RASGRF1: variants seen among roughly 807,000 people sequenced by gnomAD.
RASGRF1 encodes Ras protein specific guanine nucleotide releasing factor 1, also known as ras-specific guanine nucleotide-releasing factor 1.
A neutral mutation model predicts 138.7 loss-of-function variants in RASGRF1; 40 were observed. That is an observed-to-expected ratio of 0.29 (90% CI 0.22 to 0.38). The LOEUF is 0.38. Among genes scored for constraint, RASGRF1 ranks in the 10% least tolerant of loss-of-function variants. The pLI is 1.00. For missense variants in RASGRF1, 1,108 were observed against 1,650.4 expected, an observed-to-expected ratio of 0.67 and a Z score of 5.69; for synonymous variants, 614 against 663.2, an observed-to-expected ratio of 0.93 and a Z score of 1.14.
At chr15:79,042,061 G>T (rs969393963) in intron 5 of RASGRF1, among the ~76,000 whole-genome samples, 2 of 152,160 alleles carry the variant, frequency 1.3e-5, no homozygotes, top group African/African-American at 4.8e-5. Flanking sequence ...GAAATAGCCC[G>T]TCTCTAAGCT....
At chr15:78,992,004 G>A (rs575953162) in intron 20 of RASGRF1, among the ~76,000 whole-genome samples, 1 of 152,314 alleles carries the variant, frequency 6.6e-6, no homozygotes, top group Admixed American at 6.5e-5. Context: ...GCCCCGCCCT[G>A]TTGTGCCGGT....
At chr15:78,991,982 G>A (rs555915274) in intron 20 of RASGRF1, among the ~76,000 whole-genome samples, 188 bp from the exon 21 acceptor site, 1 of 152,302 alleles carries the variant, frequency 6.6e-6, no homozygotes, top group African/African-American at 2.4e-5. Context: ...GGAAGGGGAC[G>A]GAGGGAGATG....
At chr15:79,052,216 G>A (rs568577075) in intron 3 of RASGRF1, among the ~76,000 whole-genome samples, 7 of 152,026 alleles carry the variant, frequency 4.6e-5, no homozygotes, top group African/African-American at 1.5e-4. Flanking sequence ...CTTTGGGCAC[G>A]GTGCAATGGC....
At chr15:79,070,426 T>C (rs2057739914) in intron 1 of RASGRF1, among the ~76,000 whole-genome samples, 1 of 152,216 alleles carries the variant, frequency 6.6e-6, no homozygotes, top group Non-Finnish European at 1.5e-5. Context: ...TTTGGGAAAC[T>C]TGATTTCCTT....
In RASGRF1 at chr15:79,006,170, A is replaced by G; in HGVS notation, c.2075+16T>C. On this transcript the variant is annotated intron_variant, in intron 14 of 26. Transcript: ENST00000558480. The surrounding 1 kb of genome is among the most constrained non-coding windows in gnomAD (Gnocchi z 4.0). ...GAAGCTCTCCGGGCATGGGAGGAGGAGGGCACCTCAGCCACCTGGCAGGAA... is the reference window on the plus strand; with the variant it reads ...GAAGCTCTCCGGGCATGGGAGGAGGGGGGCACCTCAGCCACCTGGCAGGAA... The G allele has an allele frequency of 2.5e-6, 4 of 1,613,700 alleles. No homozygotes were observed. The highest frequency in any genetic ancestry group is 2.2e-5 in the East Asian group (1 of 44,860).
At chr15:79,013,417 A>C (rs538618472) in intron 13 of RASGRF1, among the ~76,000 whole-genome samples, 10 of 152,390 alleles carry the variant, frequency 6.6e-5, no homozygotes, top group African/African-American at 2.4e-4. Context: ...AGCTCCTGGC[A>C]CACAGTAGGT....
At chr15:78,982,250 G>A (rs531653535) in intron 23 of RASGRF1, among the ~76,000 whole-genome samples, 3 of 152,354 alleles carry the variant, frequency 2.0e-5, no homozygotes, top group African/African-American at 7.2e-5. Context: ...TCTAGATGAA[G>A]TGTCACCGTA....
At chr15:78,990,336 T>G in intron 21 of RASGRF1, 63 bp from the exon 22 acceptor site, 1 of 1,115,376 alleles carries the variant, frequency 9.0e-7, no homozygotes, top group Middle Eastern at 2.0e-4. Context: ...ATTTCATTGC[T>G]CCATGCTTTT....
Position 78,966,159 on chromosome 15 carries a change from T to C in RASGRF1, c.3682-3923A>G, listed in dbSNP as rs113027784. On this transcript the variant is annotated intron_variant, in intron 26 of 26. Transcript: ENST00000558480. ...TTTGATCTTGTTATTAAAATCACCATGTGTTTATCCTCTAAGAGCCATGCC... is the reference window on the plus strand; with the variant it reads ...TTTGATCTTGTTATTAAAATCACCACGTGTTTATCCTCTAAGAGCCATGCC... 6.8e-3 allele frequency among the ~76,000 whole-genome samples: 1,040 copies of C among 152,070 alleles called. 3 individuals are homozygous for C. The highest frequency in any genetic ancestry group is 9.1e-3 in the Non-Finnish European group (622 of 67,982).
At chr15:79,038,657 A>G (rs907128108) in intron 5 of RASGRF1, among the ~76,000 whole-genome samples, 2 of 152,150 alleles carry the variant, frequency 1.3e-5, no homozygotes, top group East Asian at 1.9e-4. Context: ...TATTAAGTGT[A>G]TAGTCTGACA....
chr15:78,998,008 G>A (rs1015452374), intron 19 of RASGRF1, 88 bp downstream of exon 19: 3 of 1,178,268 alleles, frequency 2.5e-6, no homozygotes, highest in South Asian at 2.5e-5. Context: ...TTCACCTCCC[G>A]GGCCTCTGAC....
chr15:79,044,484 ACT>A (rs748571789), intron 5 of RASGRF1, among the ~76,000 whole-genome samples: 25 of 152,108 alleles, frequency 1.6e-4, no homozygotes, highest in Non-Finnish European at 3.2e-4. Flanking sequence ...GCAGGGAGGC[ACT>A]CTGTGTTGCT....
At chr15:79,067,680 C>T (rs2057698081) in intron 1 of RASGRF1, among the ~76,000 whole-genome samples, 1 of 152,188 alleles carries the variant, frequency 6.6e-6, no homozygotes, top group Non-Finnish European at 1.5e-5. Context: ...AAGTCAGCTT[C>T]CACCCAGAGT....
At position 78,973,543 on chromosome 15, in the gene RASGRF1, A is replaced by T; in HGVS notation, c.3495-123T>A. The T allele has an allele frequency of 1.4e-6, 1 of 698,554 alleles. No homozygotes were observed. The highest frequency in any genetic ancestry group is 2.5e-6 in the Non-Finnish European group (1 of 403,270). 43.3% of individuals were successfully genotyped at this position (698,554 alleles called of 1,614,324 possible). ...GCAAAGGGACTTGCAGTCACCAAGA[A>T]TCACACTACACTCTAGAACTGACTA... On this transcript the variant is annotated intron_variant, in intron 24 of 26. Transcript: ENST00000558480. The surrounding 1 kb of genome is among the most constrained non-coding windows in gnomAD (Gnocchi z 4.9).
chr15:79,002,589 T>C (rs894464037), intron 15 of RASGRF1, among the ~76,000 whole-genome samples: 1 of 152,168 alleles, frequency 6.6e-6, no homozygotes, highest in African/African-American at 2.4e-5. Flanking sequence ...TGGCACATAA[T>C]TAGATTCATG....
chr15:79,008,808 T>C (rs1235653299), intron 13 of RASGRF1, among the ~76,000 whole-genome samples: 1 of 152,188 alleles, frequency 6.6e-6, no homozygotes, highest in African/African-American at 2.4e-5. Context: ...TGCTCATTTC[T>C]GCTTGCTGGC....
At chr15:79,043,466 G>A (rs919340117) in intron 5 of RASGRF1, among the ~76,000 whole-genome samples, 7 of 152,192 alleles carry the variant, frequency 4.6e-5, no homozygotes, top group Admixed American at 6.5e-5. Flanking sequence ...TTTACACCAA[G>A]TCTCTTCTTT....
intron 14 of RASGRF1, chr15:79,004,936 G>T: frequency 1.0e-6 from 1 of 983,332 alleles, no homozygotes; most frequent in Non-Finnish European, 1.2e-6. Context: ...TCTCAGAAAG[G>T]TTAAGGGACT....
chr15:78,995,673 G>A, intron 20 of RASGRF1, 67 bp downstream of exon 20: 2 of 1,565,180 alleles, frequency 1.3e-6, no homozygotes, highest in East Asian at 4.5e-5. Flanking sequence ...CCTGTGATGG[G>A]TCAGGGGTCC....
Sources: allele counts gnomAD v4.1 joint callset (sites outside exome capture counted in the v4.1 genomes callset), GRCh38; gene constraint gnomAD v4.1.1; non-coding constraint Gnocchi (gnomAD v3.1); transcripts MANE v1.5; gene names NCBI Gene and HGNC (gene_info 2026-07-23, HGNC 2026-07-21).